Variants in FNBP1 observed in about 807,000 individuals in gnomAD.
FNBP1 encodes the protein formin binding protein 1, also known as formin-binding protein 1.
FNBP1 carries 26 observed loss-of-function variants against 90.6 expected under a neutral mutation model. That is an observed-to-expected ratio of 0.29 (90% CI 0.21 to 0.40). FNBP1 has a LOEUF of 0.40. FNBP1 is among the 10% of genes least tolerant of loss of function. The pLI is 1.00. For synonymous variants in FNBP1, 260 were observed against 265.2 expected (o/e 0.98, Z 0.19); for missense variants, 635 against 768.0 (o/e 0.83, Z 2.05).
rs1211131397 is a variant in FNBP1, at chr9:129,966,136, A to G, written c.346-7583T>C. Among the ~76,000 whole-genome samples, 1 of 152,172 alleles carries G rather than the reference A, an allele frequency of 6.6e-6. No individual in the cohort carries two copies. Among genetic ancestry groups the G allele is most frequent in the Non-Finnish European group, 1.5e-5 (1 of 68,022 alleles). ...GAAGTAAGACAAACAGGGTAAAGGA[A>G]TAAGGAGGGATGGGTGTAGGTGAAG... On this transcript the variant is annotated intron_variant, in intron 4 of 16. Transcript: ENST00000446176. The surrounding 1 kb of genome is among the most constrained non-coding windows in gnomAD (Gnocchi z 4.3).
At chr9:129,934,964 G>A (rs776877901) in intron 6 of FNBP1, among the ~76,000 whole-genome samples, 1 of 152,088 alleles carries the variant, frequency 6.6e-6, no homozygotes, top group African/African-American at 2.4e-5. Flanking sequence ...CAGAGTTGCA[G>A]TTTCTAAATA....
rs75283861 is a variant in FNBP1, at chr9:129,966,366, C to T, written c.346-7813G>A. On this transcript the variant is annotated intron_variant, in intron 4 of 16. Transcript: ENST00000446176. The surrounding 1 kb of genome is among the most constrained non-coding windows in gnomAD (Gnocchi z 4.3). ...TAGACCAAGGTAAAGGGCACAGGGACGGAGGGCAGGCAGGGGCTTGACCAT... is the reference window on the plus strand; with the variant it reads ...TAGACCAAGGTAAAGGGCACAGGGATGGAGGGCAGGCAGGGGCTTGACCAT... Among the ~76,000 whole-genome samples, 10,007 of 152,150 alleles carry T rather than the reference C, an allele frequency of 0.066. 445 individuals carry two copies. The highest frequency in any genetic ancestry group is 0.12 in the Admixed American group (1,829 of 15,274).
chr9:129,888,287 T>G lies in FNBP1; in HGVS notation c.*2252A>C. Reference sequence around the variant, plus strand: ...ATTCCCGAGGCTCTAAAATCCCATTTTAAAGAACCGTTTCACATCCTCGTG... The same window carrying G: ...ATTCCCGAGGCTCTAAAATCCCATTGTAAAGAACCGTTTCACATCCTCGTG... On this transcript the variant is annotated 3_prime_UTR_variant, in exon 17 of 17. Transcript: ENST00000446176. 1 of 232,566 alleles carries G rather than the reference T, an allele frequency of 4.3e-6. No homozygotes were observed. The allele number at this position is 232,566 out of a possible 1,614,324, so 14.4% of individuals were successfully genotyped here.
chr9:129,940,772 G>A (rs867891879), intron 6 of FNBP1, among the ~76,000 whole-genome samples: 2 of 151,748 alleles, frequency 1.3e-5, no homozygotes, highest in Non-Finnish European at 1.5e-5. Context: ...GACTACAGGC[G>A]CACACCACCA....
upstream of FNBP1, chr9:130,043,222 G>C: frequency 3.0e-6 from 1 of 333,966 alleles, no homozygotes; most frequent in Non-Finnish European, 5.4e-6. Context: ...CCTACACCCG[G>C]AGAGCGGGGG....
At chr9:130,026,761 T>C (rs532358032) in intron 1 of FNBP1, among the ~76,000 whole-genome samples, 6 of 152,126 alleles carry the variant, frequency 3.9e-5, no homozygotes, top group African/African-American at 1.4e-4. Flanking sequence ...GAGACCAACC[T>C]GGGTAACATG....
At chr9:129,896,389 G>T (rs894495436) in intron 15 of FNBP1, among the ~76,000 whole-genome samples, 2 of 151,904 alleles carry the variant, frequency 1.3e-5, no homozygotes, top group Admixed American at 1.3e-4. Context: ...TTATTTTTTG[G>T]GGGGGTTGTG....
At chr9:129,986,280 T>C (rs2052223897) in intron 2 of FNBP1, among the ~76,000 whole-genome samples, 1 of 152,082 alleles carries the variant, frequency 6.6e-6, no homozygotes, top group Admixed American at 6.6e-5. Context: ...ATTTATACTA[T>C]AGACAAACTT....
intron 1 of FNBP1, among the ~76,000 whole-genome samples, chr9:129,996,294 C>T (rs902418683): frequency 2.0e-5 from 3 of 152,072 alleles, no homozygotes; most frequent in African/African-American, 7.2e-5. Flanking sequence ...AGCAAGGATA[C>T]ACAGAATTAG....
intron 6 of FNBP1, among the ~76,000 whole-genome samples, chr9:129,950,784 C>T (rs2046035808): frequency 6.6e-6 from 1 of 152,048 alleles, no homozygotes; most frequent in Non-Finnish European, 1.5e-5. Context: ...GTTTTCTCTA[C>T]TACGACTTGT....
chr9:130,006,962 G>A lies in FNBP1; in HGVS notation c.25-12004C>T, dbSNP rs1405138035. Among the ~76,000 whole-genome samples, 8 of 152,216 alleles carry A rather than the reference G, an allele frequency of 5.3e-5. No homozygotes were observed. In the East Asian group the frequency reaches 1.2e-3, roughly 22 times the overall value. ...TATAAAGAATGTGGAGGCCGGGTGC[G>A]GCGGCTCATGCCTATAATCCCAGCA... On this transcript the variant is annotated intron_variant, in intron 1 of 16. Coordinates refer to ENST00000446176, the MANE Select transcript of FNBP1 (RefSeq NM_015033.3).
intron 1 of FNBP1, among the ~76,000 whole-genome samples, chr9:130,023,253 G>A (rs1030164535): frequency 1.3e-5 from 2 of 151,918 alleles, no homozygotes; most frequent in Admixed American, 6.6e-5. Flanking sequence ...ACCAGGTGTG[G>A]CCTATTCAAA....
In FNBP1 at chr9:129,908,960, G is replaced by T; in HGVS notation, c.1225C>A (p.Gln409Lys). ...TTCTGCTGCAGCTTTTTCCTTCTTT[G>T]TTCAGGTGGGAGGTTGCTGAAATCC... ...PEDFSNLPPE[Q>K]RRKKLQQKVD... The change falls in exon 12 of 17, where the codon CAA becomes AAA. Residue 409 changes from glutamine to lysine, a missense_variant. By Grantham distance (53) the Gln-to-Lys change is moderately conservative. Coordinates refer to ENST00000446176, the MANE Select transcript of FNBP1 (RefSeq NM_015033.3). 6.2e-7 allele frequency: 1 copy of T among 1,613,612 alleles called. No homozygotes were observed. The highest frequency in any genetic ancestry group is 1.1e-5 in the South Asian group (1 of 91,060).
At chr9:130,034,475 T>A (rs575857014) in intron 1 of FNBP1, among the ~76,000 whole-genome samples, 16 of 152,228 alleles carry the variant, frequency 1.1e-4, no homozygotes, top group African/African-American at 3.6e-4. Flanking sequence ...AGAGTGAGAC[T>A]CTGTATTCCT....
At chr9:129,950,577 C>G (rs1342169058) in intron 6 of FNBP1, among the ~76,000 whole-genome samples, 2 of 152,142 alleles carry the variant, frequency 1.3e-5, no homozygotes, top group Admixed American at 6.6e-5. Context: ...AATTTCTGAA[C>G]CACAAACAGC....
intron 11 of FNBP1, among the ~76,000 whole-genome samples, chr9:129,910,847 A>ATGTGTG (rs56139800): frequency 2.3e-5 from 3 of 132,804 alleles, no homozygotes; most frequent in Admixed American, 7.4e-5. Flanking sequence ...TGACTCTCTA[A>ATGTGTG]TGTGTGTGTG....
At chr9:129,919,307 G>T in intron 10 of FNBP1, 2 of 755,330 alleles carry the variant, frequency 2.6e-6, no homozygotes, top group Non-Finnish European at 4.0e-6. Flanking sequence ...TTTAACATAT[G>T]ACAAACAACT....
At chr9:129,952,603 T>A (rs1319490395) in intron 6 of FNBP1, among the ~76,000 whole-genome samples, 2 of 152,198 alleles carry the variant, frequency 1.3e-5, no homozygotes, top group Non-Finnish European at 2.9e-5. Flanking sequence ...ATGGGAAAGA[T>A]CTGCCAGGCA....
rs951575085 is a variant in FNBP1, at chr9:129,957,826, T to G, written c.409-362A>C. Among the ~76,000 whole-genome samples, 2 of 152,226 alleles carry G rather than the reference T, an allele frequency of 1.3e-5. No homozygotes were observed. Among genetic ancestry groups the G allele is most frequent in the African/African-American group, 4.8e-5 (2 of 41,466 alleles). On this transcript the variant is annotated intron_variant, in intron 5 of 16. Transcript: ENST00000446176. The surrounding 1 kb of genome is among the most constrained non-coding windows in gnomAD (Gnocchi z 4.3). ...CCTCTGCCTCCCAAATTGCTGGGAT[T>G]ACAGGCGTGAGCCAATGTGTCTGGC... is the stretch of plus-strand genomic sequence containing the variant.
Sources: gnomAD v4.1 joint callset for allele counts (sites outside exome capture counted in the v4.1 genomes callset) on GRCh38, gnomAD v4.1.1 for gene constraint, Gnocchi (gnomAD v3.1) non-coding constraint, MANE v1.5 for transcripts, NCBI Gene and HGNC (gene_info 2026-07-23, HGNC 2026-07-21) for gene names.